NR3C2: variants seen among roughly 807,000 people sequenced by gnomAD.
NR3C2 encodes nuclear receptor subfamily 3 group C member 2, also known as mineralocorticoid receptor.
NR3C2 carries 15 observed loss-of-function variants against 86.4 expected under a neutral mutation model. That is an observed-to-expected ratio of 0.17 (90% CI 0.12 to 0.27). The LOEUF (loss-of-function observed/expected upper bound fraction) is 0.27, where lower values mean the gene tolerates loss of function less well. Ranked by LOEUF, NR3C2 falls within the 10% of genes least tolerant of loss-of-function variation. The probability of loss-of-function intolerance (pLI) is 1.00; values close to 1 mark genes in which losing one functional copy is unlikely to be tolerated. For missense variants in NR3C2, 960 were observed against 1,195.6 expected, an observed-to-expected ratio of 0.80 and a Z score of 2.91; for synonymous variants, 458 against 450.5, an observed-to-expected ratio of 1.02 and a Z score of -0.21.
chr4:148,297,181 A>G (rs1364455098), intron 2 of NR3C2, among the ~76,000 whole-genome samples: 11 of 152,230 alleles, frequency 7.2e-5, no homozygotes, highest in Admixed American at 3.3e-4. Flanking sequence ...ATCAATGAAG[A>G]AATGACACAC....
intron 2 of NR3C2, among the ~76,000 whole-genome samples, chr4:148,389,512 T>C (rs980535107): frequency 1.3e-5 from 2 of 152,192 alleles, no homozygotes; most frequent in Non-Finnish European, 2.9e-5. Context: ...TTTAGAAGTC[T>C]TCTTGTCCTT....
intron 2 of NR3C2, among the ~76,000 whole-genome samples, chr4:148,291,348 A>G (rs887860007): frequency 6.6e-6 from 1 of 152,126 alleles, no homozygotes; most frequent in African/African-American, 2.4e-5. Flanking sequence ...TCACAAATTT[A>G]GCCACTTGAT....
At chr4:148,197,294 G>A (rs942141427) in intron 3 of NR3C2, among the ~76,000 whole-genome samples, 15 of 152,194 alleles carry the variant, frequency 9.9e-5, no homozygotes, top group African/African-American at 3.4e-4. Flanking sequence ...CATAGTATGA[G>A]ATTGAATATA....
At chr4:148,116,285 A>ATATAT (rs1732270693) in intron 7 of NR3C2, among the ~76,000 whole-genome samples, 3 of 152,256 alleles carry the variant, frequency 2.0e-5, no homozygotes, top group Admixed American at 2.0e-4. Context: ...AGTATTACTT[A>ATATAT]TATATTATTG....
chr4:148,420,033 C>A (rs1022156970), intron 2 of NR3C2, among the ~76,000 whole-genome samples: 1 of 152,104 alleles, frequency 6.6e-6, no homozygotes, highest in African/African-American at 2.4e-5. Flanking sequence ...TTGGGTGAGA[C>A]CAAACCCCCA....
intron 2 of NR3C2, among the ~76,000 whole-genome samples, chr4:148,319,667 G>C (rs1163236543): frequency 6.7e-6 from 1 of 148,766 alleles, no homozygotes; most frequent in Non-Finnish European, 1.5e-5. Context: ...CTCATGATTT[G>C]GATCTCTGTT....
chr4:148,153,455 G>A (rs1169255858), intron 5 of NR3C2, among the ~76,000 whole-genome samples: 1 of 152,144 alleles, frequency 6.6e-6, no homozygotes, highest in African/African-American at 2.4e-5. Context: ...GGGATTACAG[G>A]CATGGGCCAC....
chr4:148,091,174 C>T (rs1044903872), intron 8 of NR3C2, among the ~76,000 whole-genome samples: 1 of 152,270 alleles, frequency 6.6e-6, no homozygotes. Flanking sequence ...GGCCTAAATC[C>T]TGAGCCATGA....
Position 148,325,099 on chromosome 4 carries a change from T to C in NR3C2, c.1758-64982A>G, listed in dbSNP as rs1265863622. On this transcript the variant is annotated intron_variant, in intron 2 of 8. Coordinates refer to ENST00000358102, the MANE Select transcript of NR3C2 (RefSeq NM_000901.5). ...TGTTGCTATAACTAAGCAAGGAGCA[T>C]AGTGGAGAGACAGAGAGAGAGAGAG... 3.3e-5 allele frequency among the ~76,000 whole-genome samples: 5 copies of C among 150,640 alleles called. No homozygotes were observed. The South Asian group carries it at 6.4e-4, about 19-fold the overall frequency.
chr4:148,290,646 C>T (rs897896566), intron 2 of NR3C2, among the ~76,000 whole-genome samples: 10 of 152,172 alleles, frequency 6.6e-5, no homozygotes, highest in Non-Finnish European at 1.3e-4. Context: ...TATCTTCCTG[C>T]TTTTGAAGGC....
In NR3C2 at chr4:148,081,240, G is replaced by A; in HGVS notation, c.*104C>T. On this transcript the variant is annotated 3_prime_UTR_variant, in exon 9 of 9. Coordinates refer to ENST00000358102, the MANE Select transcript of NR3C2 (RefSeq NM_000901.5). ...TTAAACTTGAGAAACTGTTGAACAA[G>A]TGTGAATCAACCATCACATGTTAAA... 7.0e-7 allele frequency: 1 copy of A among 1,427,850 alleles called. No individual in the cohort carries two copies. The highest frequency in any genetic ancestry group is 9.8e-7 in the Non-Finnish European group (1 of 1,018,336). 88.4% of individuals were successfully genotyped at this position (1,427,850 alleles called of 1,614,324 possible). A position where few individuals can be genotyped will look rare whatever the true frequency, so the allele number is the denominator to read the frequency against.
intron 2 of NR3C2, among the ~76,000 whole-genome samples, chr4:148,403,932 G>A (rs61756947): frequency 0.11 from 16,128 of 151,950 alleles, 911 homozygotes; most frequent in Middle Eastern, 0.12. Context: ...AATATGTAAA[G>A]TTTCACCTTC....
At chr4:148,334,295 C>T (rs925268283) in intron 2 of NR3C2, among the ~76,000 whole-genome samples, 24 of 152,230 alleles carry the variant, frequency 1.6e-4, no homozygotes, top group Admixed American at 1.3e-4. Context: ...ATAATCCCAA[C>T]GCTTTGGGAG....
rs1446464428 is a variant in NR3C2 at position 148,344,888 on chromosome 4, G to A, written c.1758-84771C>T. ...TTAAACATTATTCCAAGGCCATATA[G>A]AATTAGCAATTCTGCTTGTTTACTT... On this transcript the variant is annotated intron_variant, in intron 2 of 8. Transcript: ENST00000358102. 2.0e-5 allele frequency among the ~76,000 whole-genome samples: 3 copies of A among 152,054 alleles called. No individual in the cohort carries two copies. In the East Asian group the frequency reaches 5.8e-4, roughly 29 times the overall value.
intron 6 of NR3C2, among the ~76,000 whole-genome samples, chr4:148,128,634 T>G (rs1732863926): frequency 6.6e-6 from 1 of 152,172 alleles, no homozygotes; most frequent in African/African-American, 2.4e-5. Context: ...CATTCCAGGT[T>G]CTCATCAGCA....
At chr4:148,261,530 C>A (rs1740124087) in intron 2 of NR3C2, among the ~76,000 whole-genome samples, 3 of 152,170 alleles carry the variant, frequency 2.0e-5, no homozygotes, top group Admixed American at 2.0e-4. Context: ...CAAAACACTT[C>A]CCGAAATGTG....
At chr4:148,276,105 A>G (rs1387728669) in intron 2 of NR3C2, among the ~76,000 whole-genome samples, 2 of 152,184 alleles carry the variant, frequency 1.3e-5, no homozygotes, top group Non-Finnish European at 2.9e-5. Context: ...TAAGATTTTC[A>G]CCTGACTCAG....
chr4:148,225,209 G>C (rs1025339336), intron 3 of NR3C2, among the ~76,000 whole-genome samples: 4 of 152,144 alleles, frequency 2.6e-5, no homozygotes. Context: ...AGAAGCTAGA[G>C]AATCCTGTTA....
At chr4:148,175,684 A>G (rs953848789) in intron 4 of NR3C2, among the ~76,000 whole-genome samples, 4 of 152,024 alleles carry the variant, frequency 2.6e-5, no homozygotes, top group Non-Finnish European at 5.9e-5. Flanking sequence ...TTATTTTTCT[A>G]TTTTTCTACT....
Sources: gnomAD v4.1 joint callset for allele counts (sites outside exome capture counted in the v4.1 genomes callset) on GRCh38, gnomAD v4.1.1 for gene constraint, MANE v1.5 for transcripts, NCBI Gene and HGNC (gene_info 2026-07-23, HGNC 2026-07-21) for gene names.